SULT1B1: variants seen among roughly 807,000 people sequenced by gnomAD.
SULT1B1 encodes sulfotransferase 1B1.
A neutral mutation model predicts 34.6 loss-of-function variants in SULT1B1; 28 were observed. The observed-to-expected ratio is 0.81, with a 90% CI of 0.60 to 1.11. The LOEUF (loss-of-function observed/expected upper bound fraction) is 1.11. Ranked by LOEUF, SULT1B1 falls within the 50% of genes least tolerant of loss-of-function variation. The probability of loss-of-function intolerance (pLI) is 0.00; values close to 1 mark genes in which losing one functional copy is unlikely to be tolerated. For synonymous variants in SULT1B1, 147 were observed against 110.2 expected (o/e 1.33, Z -2.09); for missense variants, 374 against 352.2 (o/e 1.06, Z -0.50).
rs1264076596 is a variant in SULT1B1, at chr4:69,730,615, C to A, written c.664G>T (p.Asp222Tyr). 1 of 1,613,264 alleles carries A rather than the reference C, an allele frequency of 6.2e-7. No homozygotes were observed. The highest frequency in any genetic ancestry group is 1.7e-5 in the Admixed American group (1 of 59,910). Residue 222 changes from aspartate to tyrosine, a missense_variant, in exon 7 of 8, where the codon GAT (aspartate) becomes TAT (tyrosine). Transcript: ENST00000310613. ...LEKNLNDEILDRIIHHTSFEV... is the reference protein window; with the variant it reads ...LEKNLNDEILYRIIHHTSFEV... ...AATGAGGTGTGATGGATGATCCTAT[C>A]CAAGATCTCATCATTCAGGTTCTTC...
rs899150297 is a variant in SULT1B1 at position 69,723,465 on chromosome 4, A to T, written c.*3623T>A. On this transcript the variant is annotated 3_prime_UTR_variant, in exon 8 of 8. Coordinates refer to ENST00000310613, the MANE Select transcript of SULT1B1 (RefSeq NM_014465.4). ...AGAGGTCCAAGGAGGAGCTGGTACC[A>T]TTCCTTCTGAAACTATTCCAATGAA... 2.0e-5 allele frequency: 3 copies of T among 152,346 alleles called. No homozygotes were observed. The highest frequency in any genetic ancestry group is 7.2e-5 in the African/African-American group (3 of 41,450). 9.4% of individuals were successfully genotyped at this position (152,346 alleles called of 1,614,324 possible). A position where few individuals can be genotyped will look rare whatever the true frequency, so the allele number is the denominator to read the frequency against.
At chr4:69,746,867 C>A (rs921548715) in intron 4 of SULT1B1, among the ~76,000 whole-genome samples, 2 of 152,076 alleles carry the variant, frequency 1.3e-5, no homozygotes, top group Admixed American at 6.6e-5. Flanking sequence ...TTGGATGGTG[C>A]TTTTTGCTTT....
intron 3 of SULT1B1, among the ~76,000 whole-genome samples, chr4:69,753,900 A>G (rs1183137194): frequency 6.6e-6 from 1 of 152,186 alleles, no homozygotes; most frequent in African/African-American, 2.4e-5. Context: ...TAACTAAACC[A>G]GCTGTTTCTA....
In SULT1B1 at chr4:69,722,184, A is replaced by T. The variant is rs1329389190; in HGVS notation, c.*4904T>A. On this transcript the variant is annotated 3_prime_UTR_variant, in exon 8 of 8. Coordinates refer to ENST00000310613, the MANE Select transcript of SULT1B1 (RefSeq NM_014465.4). ...TTTATCTCCACTCTTCACTCAGTGC[A>T]TAGAAACATACCTGAGGCATAATTA... 6.6e-6 allele frequency: 1 copy of T among 152,174 alleles called. No individual in the cohort carries two copies. The highest frequency in any genetic ancestry group is 1.5e-5 in the Non-Finnish European group (1 of 68,004). The allele number at this position is 152,174 out of a possible 1,614,324, so 9.4% of individuals were successfully genotyped here.
At chr4:69,744,259 C>T (rs1718666127) in intron 4 of SULT1B1, among the ~76,000 whole-genome samples, 1 of 152,196 alleles carries the variant, frequency 6.6e-6, no homozygotes, top group South Asian at 2.1e-4. Flanking sequence ...ACTCTAGGGA[C>T]TGACTGTCTC....
At chr4:69,736,527 C>G (rs1285548032) in intron 4 of SULT1B1, among the ~76,000 whole-genome samples, 1 of 151,754 alleles carries the variant, frequency 6.6e-6, no homozygotes, top group Non-Finnish European at 1.5e-5. Context: ...GATAAGGTAC[C>G]AGTCTGAGTT....
In SULT1B1 at chr4:69,733,487, T is replaced by C. The variant is rs1173199453; in HGVS notation, c.523A>G (p.Thr175Ala). ...TGKVAYGSWF[T>A]HVKNWWKKKE... Reference sequence around the variant, plus strand: ...TTCTTCCACCAGTTTTTAACATGAGTAAACCAGGAACCATAGGCCACTAAA... The same window carrying C: ...TTCTTCCACCAGTTTTTAACATGAGCAAACCAGGAACCATAGGCCACTAAA... Residue 175 changes from threonine to alanine, a missense_variant, in exon 6 of 8, where the codon ACT (threonine) becomes GCT (alanine). Coordinates refer to ENST00000310613, the MANE Select transcript of SULT1B1 (RefSeq NM_014465.4). 1 of 1,607,186 alleles carries C rather than the reference T, an allele frequency of 6.2e-7. No individual in the cohort carries two copies. The highest frequency in any genetic ancestry group is 1.3e-5 in the African/African-American group (1 of 74,550).
chr4:69,744,240 CA>C (rs556537937), intron 4 of SULT1B1, among the ~76,000 whole-genome samples: 49 of 152,284 alleles, frequency 3.2e-4, no homozygotes, highest in African/African-American at 1.2e-3. Context: ...GGGGGAGTGC[CA>C]GGGGTGGACT....
chr4:69,729,383 G>T (rs1717970783), intron 7 of SULT1B1, among the ~76,000 whole-genome samples: 1 of 151,866 alleles, frequency 6.6e-6, no homozygotes, highest in South Asian at 2.1e-4. Flanking sequence ...AGAGTTCCTG[G>T]AACCAATCCC....
chr4:69,730,396 C>A, intron 7 of SULT1B1, 105 bp downstream of exon 7: 2 of 1,057,284 alleles, frequency 1.9e-6, no homozygotes, highest in Non-Finnish European at 2.6e-6. Context: ...TGCTATAAAG[C>A]TTAAACAGGC....
At chr4:69,758,182 TCAG>T in intron 1 of SULT1B1, 1 of 428,300 alleles carries the variant, frequency 2.3e-6, no homozygotes, top group East Asian at 1.6e-4. Context: ...GGTCAAGAAG[TCAG>T]CAGAAGGAGG....
intron 3 of SULT1B1, among the ~76,000 whole-genome samples, chr4:69,751,150 C>A (rs970382142): frequency 3.3e-5 from 5 of 152,136 alleles, no homozygotes; most frequent in Non-Finnish European, 7.4e-5. Flanking sequence ...TTTTACTATG[C>A]CTCTACTGAT....
At chr4:69,738,269 G>T (rs961981441) in intron 4 of SULT1B1, among the ~76,000 whole-genome samples, 3 of 152,120 alleles carry the variant, frequency 2.0e-5, no homozygotes, top group Admixed American at 2.0e-4. Context: ...CCATTAATGA[G>T]TATTGTATTA....
intron 4 of SULT1B1, among the ~76,000 whole-genome samples, chr4:69,743,071 TTC>T (rs1228559843): frequency 1.3e-5 from 2 of 152,216 alleles, no homozygotes; most frequent in African/African-American, 4.8e-5. Flanking sequence ...GCCACAGGTC[TTC>T]TCTCTTTCTC....
rs1377347607 is a variant in SULT1B1 at position 69,721,488 on chromosome 4, T to C, written c.*5600A>G. The C allele has an allele frequency of 6.6e-6, 1 of 152,074 alleles. No individual in the cohort carries two copies. Among genetic ancestry groups the C allele is most frequent in the Non-Finnish European group, 1.5e-5 (1 of 67,978 alleles). The allele number at this position is 152,074 out of a possible 1,614,324, so 9.4% of individuals were successfully genotyped here. A position where few individuals can be genotyped will look rare whatever the true frequency, so the allele number is the denominator to read the frequency against. Reference sequence around the variant, plus strand: ...ATTATAGTATCTTTTTTTCTGTATATGAAAGGAATTACAAAATATGGAGAA... The same window carrying C: ...ATTATAGTATCTTTTTTTCTGTATACGAAAGGAATTACAAAATATGGAGAA... On this transcript the variant is annotated 3_prime_UTR_variant, in exon 8 of 8. Coordinates refer to ENST00000310613, the MANE Select transcript of SULT1B1 (RefSeq NM_014465.4).
At chr4:69,728,234 C>A (rs1717915472) in intron 7 of SULT1B1, among the ~76,000 whole-genome samples, 1 of 152,038 alleles carries the variant, frequency 6.6e-6, no homozygotes, top group African/African-American at 2.4e-5. Flanking sequence ...GTGATCTGAT[C>A]TGCATATAAA....
intron 4 of SULT1B1, among the ~76,000 whole-genome samples, chr4:69,736,628 T>C (rs1718326022): frequency 1.3e-5 from 2 of 150,006 alleles, no homozygotes. Context: ...AATGAAAAAA[T>C]AGAAAAGAAA....
intron 3 of SULT1B1, 46 bp from the exon 4 acceptor site, chr4:69,749,864 A>T (rs1718911691): frequency 7.0e-7 from 1 of 1,437,352 alleles, no homozygotes; most frequent in Non-Finnish European, 9.8e-7. Context: ...GTCTCCAGAA[A>T]GGCTACGTTT....
At chr4:69,757,657 GTA>G (rs1719242997) in intron 1 of SULT1B1, among the ~76,000 whole-genome samples, 1 of 152,086 alleles carries the variant, frequency 6.6e-6, no homozygotes. Flanking sequence ...TGTAAGATGT[GTA>G]TTACGTAACA....
Sources: allele counts gnomAD v4.1 joint callset (sites outside exome capture counted in the v4.1 genomes callset), GRCh38; gene constraint gnomAD v4.1.1; transcripts MANE v1.5; gene names NCBI Gene and HGNC (gene_info 2026-07-23, HGNC 2026-07-21).